Variants in RIMS2 observed in about 807,000 individuals in gnomAD.
The protein encoded by RIMS2 is regulating synaptic membrane exocytosis protein 2.
RIMS2 carries 59 observed loss-of-function variants against 174.4 expected under a neutral mutation model. That is an observed-to-expected ratio of 0.34 (90% CI 0.27 to 0.42). RIMS2 has a LOEUF of 0.42. Ranked by LOEUF, RIMS2 falls within the 10% of genes least tolerant of loss-of-function variation. RIMS2 has a pLI of 1.00. For missense variants in RIMS2, 1,620 were observed against 1,666.3 expected, an observed-to-expected ratio of 0.97 and a Z score of 0.48; for synonymous variants, 606 against 572.5, an observed-to-expected ratio of 1.06 and a Z score of -0.84.
intron 1 of RIMS2, among the ~76,000 whole-genome samples, chr8:103,581,873 G>T (rs780675190): frequency 2.6e-5 from 4 of 152,168 alleles, no homozygotes; most frequent in African/African-American, 4.8e-5. Flanking sequence ...CAACTCTAAG[G>T]CAAGTCCTAG....
At chr8:103,661,880 G>A (rs976641775) in intron 1 of RIMS2, among the ~76,000 whole-genome samples, 1 of 152,136 alleles carries the variant, frequency 6.6e-6, no homozygotes, top group African/African-American at 2.4e-5. Context: ...AGGGAGAAAA[G>A]GAGTGATATG....
intron 3 of RIMS2, among the ~76,000 whole-genome samples, chr8:103,772,525 TA>T (rs1434450887): frequency 6.6e-6 from 1 of 152,060 alleles, no homozygotes; most frequent in Admixed American, 6.5e-5. Flanking sequence ...AAAGTCTGAA[TA>T]AATAGAAAGA....
chr8:104,249,710 T>G, intron 22 of RIMS2, 122 bp downstream of exon 28: 1 of 619,128 alleles, frequency 1.6e-6, no homozygotes, highest in Non-Finnish European at 2.9e-6. Context: ...TGGTCCATTA[T>G]GACTGGTCTG....
At chr8:104,118,372 T>TG in intron 19 of RIMS2, among the ~76,000 whole-genome samples, 1 of 78,038 alleles carries the variant, frequency 1.3e-5, no homozygotes, top group East Asian at 2.8e-4. Context: ...GTTTTTTTGT[T>TG]TTTTTTTTTT....
intron 1 of RIMS2, among the ~76,000 whole-genome samples, chr8:103,521,566 G>C (rs1278016931): frequency 1.3e-5 from 2 of 151,786 alleles, no homozygotes; most frequent in Non-Finnish European, 2.9e-5. Flanking sequence ...CAATTAAATG[G>C]GTTCCTCTCC....
intron 1 of RIMS2, among the ~76,000 whole-genome samples, chr8:103,644,095 T>G (rs1457689073): frequency 1.3e-5 from 2 of 151,228 alleles, no homozygotes; most frequent in Non-Finnish European, 2.9e-5. Flanking sequence ...CGGTGGAGCT[T>G]CTAGAGATAA....
intron 3 of RIMS2, among the ~76,000 whole-genome samples, chr8:103,810,494 C>G (rs1468831838): frequency 6.6e-6 from 1 of 152,124 alleles, no homozygotes; most frequent in Non-Finnish European, 1.5e-5. Context: ...AGTGTTCTGT[C>G]ATATGCAAGT....
chr8:104,003,769 G>T (rs2095475668), intron 17 of RIMS2, among the ~76,000 whole-genome samples: 2 of 151,990 alleles, frequency 1.3e-5, no homozygotes, highest in African/African-American at 2.4e-5. Flanking sequence ...AAAGACTGTA[G>T]GTTCTAGAGG....
At chr8:103,887,323 T>C (rs1008502155) in intron 4 of RIMS2, among the ~76,000 whole-genome samples, 2 of 151,622 alleles carry the variant, frequency 1.3e-5, no homozygotes, top group African/African-American at 2.4e-5. Flanking sequence ...CATTTAACTA[T>C]TATTTGCCAA....
At chr8:103,630,529 G>T (rs1439114259) in intron 1 of RIMS2, among the ~76,000 whole-genome samples, 3 of 144,618 alleles carry the variant, frequency 2.1e-5, no homozygotes, top group Non-Finnish European at 3.0e-5. Context: ...GCAATGAGCC[G>T]AGATCGTCCC....
At chr8:103,742,474 TA>T (rs1407501884) in intron 2 of RIMS2, among the ~76,000 whole-genome samples, 1 of 152,174 alleles carries the variant, frequency 6.6e-6, no homozygotes, top group Non-Finnish European at 1.5e-5. Flanking sequence ...ATAAACTCTA[TA>T]ATTATATCTG....
intron 1 of RIMS2, among the ~76,000 whole-genome samples, chr8:103,522,481 G>C (rs141776866): frequency 0.01 from 1,566 of 152,178 alleles, 29 homozygotes; most frequent in African/African-American, 0.036. Context: ...TAGTGGCAGT[G>C]CAGTTTCTAT....
intron 1 of RIMS2, among the ~76,000 whole-genome samples, chr8:103,663,067 G>A (rs1288591365): frequency 1.3e-5 from 2 of 152,038 alleles, no homozygotes; most frequent in Non-Finnish European, 2.9e-5. Flanking sequence ...TACTCAGGGG[G>A]CTGAGGCAGG....
Position 103,533,655 on chromosome 8 carries a change from C to T in RIMS2, c.176+32593C>T, listed in dbSNP as rs1320265155. Among the ~76,000 whole-genome samples the T allele has an allele frequency of 5.8e-5, 6 of 104,302 alleles. No homozygotes were observed. In the Middle Eastern group the frequency reaches 0.02, roughly 343 times the overall value. 68.4% of individuals were successfully genotyped at this position (104,302 alleles called of 152,430 possible). A position where few individuals can be genotyped will look rare whatever the true frequency, so the allele number is the denominator to read the frequency against. On this transcript the variant is annotated intron_variant, in intron 1 of 23. Coordinates refer to ENST00000504942, the Ensembl canonical transcript of RIMS2. ...CCAGCCTGGGGGACAAAGCGAGACC[C>T]TGTCTCAAAAAAAAAAAAAAAAAAA...
intron 1 of RIMS2, among the ~76,000 whole-genome samples, chr8:103,627,074 A>G (rs367686995): frequency 6.6e-6 from 1 of 152,062 alleles, no homozygotes; most frequent in Non-Finnish European, 1.5e-5. Context: ...ACCAGGGTGT[A>G]TTTCAGTCCT....
intron 19 of RIMS2, among the ~76,000 whole-genome samples, chr8:104,076,315 T>TG (rs1259726878): frequency 6.6e-6 from 1 of 151,888 alleles, no homozygotes; most frequent in Non-Finnish European, 1.5e-5. Context: ...CTTCTATAGT[T>TG]TTTTTTTGAA....
At chr8:104,006,410 C>T (rs1381344906) in intron 17 of RIMS2, among the ~76,000 whole-genome samples, 4 of 151,962 alleles carry the variant, frequency 2.6e-5, no homozygotes, top group African/African-American at 4.8e-5. Context: ...ATTAGCCGGG[C>T]GTGGTGGTGC....
At chr8:104,089,154 AAG>A (rs1396296763) in intron 19 of RIMS2, among the ~76,000 whole-genome samples, 1 of 151,956 alleles carries the variant, frequency 6.6e-6, no homozygotes, top group African/African-American at 2.4e-5. Context: ...TGTTCCATTA[AAG>A]AGAATGGTTA....
At chr8:103,986,231 A>G (rs1249190634) in intron 16 of RIMS2, among the ~76,000 whole-genome samples, 3 of 152,196 alleles carry the variant, frequency 2.0e-5, no homozygotes, top group African/African-American at 4.8e-5. Context: ...AAAATTTTTA[A>G]CGAAAATAGA....
Sources: allele counts gnomAD v4.1 joint callset (sites outside exome capture counted in the v4.1 genomes callset), GRCh38; gene constraint gnomAD v4.1.1; transcripts MANE v1.5; gene names NCBI Gene and HGNC (gene_info 2026-07-23, HGNC 2026-07-21).